Variants in MAPK8IP2 observed in about 807,000 individuals in gnomAD.
The protein encoded by MAPK8IP2 is C-Jun-amino-terminal kinase-interacting protein 2.
MAPK8IP2 carries 15 observed loss-of-function variants against 75.6 expected under a neutral mutation model. The observed-to-expected ratio is 0.20, with a 90% CI of 0.13 to 0.31. The LOEUF (loss-of-function observed/expected upper bound fraction) is 0.31, where lower values mean the gene tolerates loss of function less well. Among genes scored for constraint, MAPK8IP2 ranks in the 10% least tolerant of loss-of-function variants. The probability of loss-of-function intolerance (pLI) is 1.00; values close to 1 mark genes in which losing one functional copy is unlikely to be tolerated. For synonymous variants in MAPK8IP2, 632 were observed against 554.5 expected (o/e 1.14, Z -1.96); for missense variants, 1,089 against 1,211.2 (o/e 0.90, Z 1.50).
chr22:50,602,073 A>G (rs1430214212), intron 2 of MAPK8IP2, among the ~76,000 whole-genome samples, 179 bp downstream of exon 2: 1 of 152,064 alleles, frequency 6.6e-6, no homozygotes, highest in East Asian at 1.9e-4. Flanking sequence ...TCTTATTCCA[A>G]CACATTGCAG....
Position 50,604,668 on chromosome 22 carries a change from G to T in MAPK8IP2, c.1369G>T (p.Ala457Ser). The stretch of plus-strand genomic sequence containing the variant: ...GCTGTGGGCCGCGCCCGGCCGCGCC[G>T]CCCGCCCGGGACGAGCCTGCTCCGC... ...TPLWAAPGRA[A>S]RPGRACSAAC... Residue 457 changes from alanine to serine, a missense_variant, in exon 5 of 12, where the codon GCC becomes TCC. This residue lies in a region of MAPK8IP2 where 960 missense variants were observed against 1,009.6 expected (regional missense o/e 0.95). Coordinates refer to ENST00000329492, the MANE Select transcript of MAPK8IP2 (RefSeq NM_012324.6). 1 of 1,520,546 alleles carries T rather than the reference G, an allele frequency of 6.6e-7. No individual in the cohort carries two copies. The allele number at this position is 1,520,546 out of a possible 1,614,324, so 94.2% of individuals were successfully genotyped here. A position where few individuals can be genotyped will look rare whatever the true frequency, so the allele number is the denominator to read the frequency against.
intron 10 of MAPK8IP2, among the ~76,000 whole-genome samples, chr22:50,609,103 G>C (rs906416190): frequency 6.6e-6 from 1 of 152,158 alleles, no homozygotes; most frequent in Non-Finnish European, 1.5e-5. Context: ...CCCCGTCCCC[G>C]GTCCCTTGCC....
chr22:50,602,214 G>A (rs966991864), intron 2 of MAPK8IP2, among the ~76,000 whole-genome samples: 6 of 152,164 alleles, frequency 3.9e-5, no homozygotes, highest in African/African-American at 1.4e-4. Flanking sequence ...ATCCCTGGCA[G>A]CTGCCATCAC....
Position 50,600,814 on chromosome 22 carries a change from A to C in MAPK8IP2, c.-5A>C. 1 of 1,279,238 alleles carries C rather than the reference A, an allele frequency of 7.8e-7. No homozygotes were observed. The highest frequency in any genetic ancestry group is 1.0e-6 in the Non-Finnish European group (1 of 986,482). The allele number at this position is 1,279,238 out of a possible 1,614,324, so 79.2% of individuals were successfully genotyped here. On this transcript the variant is annotated 5_prime_UTR_variant, in exon 1 of 12. Coordinates refer to ENST00000329492, the MANE Select transcript of MAPK8IP2 (RefSeq NM_012324.6). ...CGCCGCAGTCGCGGGCCTCTCCCGG[A>C]GAAGATGGCGGATCGCGCGGAGATG...
At position 50,603,950 on chromosome 22, in the gene MAPK8IP2, A is replaced by T. The variant is rs2070988687; in HGVS notation, c.651A>T (p.Pro217=). The T allele has an allele frequency of 1.3e-6, 2 of 1,546,322 alleles. No individual in the cohort carries two copies. Among genetic ancestry groups the T allele is most frequent in the South Asian group, 2.4e-5 (2 of 84,558 alleles). The change falls in exon 5 of 12, where the codon CCA becomes CCT. Residue 217 remains proline (P), a synonymous_variant. Coordinates refer to ENST00000329492, the MANE Select transcript of MAPK8IP2 (RefSeq NM_012324.6). ...ACCGGCCTGCGGAACCCCCTGCGCC[A>T]GGGGGGACTTCGCCCTCCTCAGATC... ...EGNRPAEPPA[P]GGTSPSSDPG...
chr22:50,603,094 G>C (rs765273364), intron 2 of MAPK8IP2, 129 bp from the exon 3 acceptor site: 4 of 1,566,780 alleles, frequency 2.6e-6, no homozygotes, highest in Admixed American at 3.6e-5. Context: ...CCTGTAGACA[G>C]AGGGGCAGAG....
At chr22:50,605,995 G>T in intron 8 of MAPK8IP2, 61 bp downstream of exon 8, 1 of 1,313,620 alleles carries the variant, frequency 7.6e-7, no homozygotes, top group East Asian at 2.5e-5. Context: ...CACCAGCACT[G>T]CAGGCTGGCA....
intron 9 of MAPK8IP2, 66 bp downstream of exon 9, chr22:50,606,831 G>T (rs1378845211): frequency 9.4e-6 from 15 of 1,595,190 alleles, no homozygotes; most frequent in Non-Finnish European, 1.3e-5. Context: ...GTCCGACGGG[G>T]CCAGGCTGGC....
Position 50,600,848 on chromosome 22 carries a change from C to G in MAPK8IP2, c.30C>G (p.Leu10=). 7.6e-7 allele frequency: 1 copy of G among 1,310,930 alleles called. No individual in the cohort carries two copies. Among genetic ancestry groups the G allele is most frequent in the Non-Finnish European group, 1.0e-6 (1 of 1,004,258 alleles). The allele number at this position is 1,310,930 out of a possible 1,614,324, so 81.2% of individuals were successfully genotyped here. MADRAEMFS[L]STFHSLSPPG... is the part of the protein sequence containing the mutation. ...CGGATCGCGCGGAGATGTTTTCTCT[C>G]TCCACCTTCCACTCGCTGTCGCCGC... The change falls in exon 1 of 12, where the codon CTC becomes CTG. Residue 10 remains leucine, a synonymous_variant. Transcript: ENST00000329492.
chr22:50,604,739 G>A lies in MAPK8IP2; in HGVS notation c.1440G>A (p.Glu480=). 6.5e-7 allele frequency: 1 copy of A among 1,538,242 alleles called. No homozygotes were observed. The change falls in exon 5 of 12, where the codon GAG becomes GAA. Residue 480 remains glutamate, a synonymous_variant. Coordinates refer to ENST00000329492, the MANE Select transcript of MAPK8IP2 (RefSeq NM_012324.6). Reference sequence around the variant, plus strand: ...ACGAAGAGGACGACGAGGAAGAGGAGGATGCCGAGGACAGTGCGGGGTCCC... The same window carrying A: ...ACGAAGAGGACGACGAGGAAGAGGAAGATGCCGAGGACAGTGCGGGGTCCC... ...EEDEEDDEEE[E]DAEDSAGSPG...
chr22:50,607,056 C>G lies in MAPK8IP2; in HGVS notation c.2303+65C>G. On this transcript the variant is annotated intron_variant, in intron 10 of 11. Coordinates refer to ENST00000329492, the MANE Select transcript of MAPK8IP2 (RefSeq NM_012324.6). The surrounding 1 kb of genome is among the most constrained non-coding windows in gnomAD (Gnocchi z 5.6). ...ACAAACCCTGAGAGTCCAACCGCCC[C>G]CTGAGTCCCCACAGACCCTGAGGGC... 1.5e-6 allele frequency: 2 copies of G among 1,292,082 alleles called. No homozygotes were observed. The highest frequency in any genetic ancestry group is 2.3e-5 in the East Asian group (1 of 43,154). The allele number at this position is 1,292,082 out of a possible 1,614,324, so 80.0% of individuals were successfully genotyped here.
Position 50,607,707 on chromosome 22 carries a change from C to T in MAPK8IP2, c.2303+716C>T, listed in dbSNP as rs557284865. ...GATGGTTGTACTGCAGCCCACACAC[C>T]GAGAGGGGATGCGGGATCAATCACA... is the stretch of plus-strand genomic sequence containing the variant. On this transcript the variant is annotated intron_variant, in intron 10 of 11. Transcript: ENST00000329492. This position sits in a 1 kb window ranked among gnomAD's most constrained non-coding sequence, Gnocchi z 5.6. Among the ~76,000 whole-genome samples, 34 of 151,922 alleles carry T rather than the reference C, an allele frequency of 2.2e-4. No homozygotes were observed. Among genetic ancestry groups the T allele is most frequent in the Admixed American group, 1.8e-3 (27 of 15,266 alleles).
chr22:50,604,135 G>T lies in MAPK8IP2; in HGVS notation c.836G>T (p.Ser279Ile), dbSNP rs1328869589. 1 of 1,556,242 alleles carries T rather than the reference G, an allele frequency of 6.4e-7. No homozygotes were observed. The highest frequency in any genetic ancestry group is 8.6e-7 in the Non-Finnish European group (1 of 1,159,944). ...SSISETELEL[S>I]SDGGSSSSGR... ...ATCTCGGAGACGGAGCTGGAGCTGA[G>T]CAGCGATGGCGGAAGCAGCAGCAGC... is the stretch of plus-strand genomic sequence containing the variant. The change falls in exon 5 of 12, where the codon AGC (serine) becomes ATC (isoleucine). Residue 279 changes from serine to isoleucine, a missense_variant. This residue lies in a region of MAPK8IP2 where 960 missense variants were observed against 1,009.6 expected (regional missense o/e 0.95). Transcript: ENST00000329492.
At chr22:50,608,762 G>T (rs1045946488) in intron 10 of MAPK8IP2, among the ~76,000 whole-genome samples, 1 of 136,610 alleles carries the variant, frequency 7.3e-6, no homozygotes, top group Non-Finnish European at 1.6e-5. Flanking sequence ...TGGGGTCACC[G>T]GGACAGCGGA....
rs1475931322 is a variant in MAPK8IP2 at position 50,600,866 on chromosome 22, G to A, written c.48G>A (p.Leu16=). The change falls in exon 1 of 12, where the codon CTG becomes CTA. Residue 16 remains leucine (L), a synonymous_variant. Coordinates refer to ENST00000329492, the MANE Select transcript of MAPK8IP2 (RefSeq NM_012324.6). ...TTTCTCTCTCCACCTTCCACTCGCTGTCGCCGCCGGGCTGCAGGTACCCCC... is the reference window on the plus strand; with the variant it reads ...TTTCTCTCTCCACCTTCCACTCGCTATCGCCGCCGGGCTGCAGGTACCCCC... The part of the protein sequence containing the change: ...EMFSLSTFHS[L]SPPGCRPPQD... 7.7e-7 allele frequency: 1 copy of A among 1,292,008 alleles called. No homozygotes were observed. Among genetic ancestry groups the A allele is most frequent in the East Asian group, 5.5e-5 (1 of 18,056 alleles). The allele number at this position is 1,292,008 out of a possible 1,614,324, so 80.0% of individuals were successfully genotyped here.
Position 50,611,839 on chromosome 22 carries a change from C to T in MAPK8IP2, c.*1060C>T, listed in dbSNP as rs539352640. The T allele has an allele frequency of 1.1e-3, 162 of 152,268 alleles. 1 individual carries two copies. Among genetic ancestry groups the T allele is most frequent in the South Asian group, 2.1e-3 (10 of 4,820 alleles). 9.4% of individuals were successfully genotyped at this position (152,268 alleles called of 1,614,324 possible). On this transcript the variant is annotated 3_prime_UTR_variant, in exon 12 of 12. Coordinates refer to ENST00000329492, the MANE Select transcript of MAPK8IP2 (RefSeq NM_012324.6). This position sits in a 1 kb window ranked among gnomAD's most constrained non-coding sequence, Gnocchi z 5.5. ...CACGTGCACGGACTGGGGGCCAGCA[C>T]GGCTCAGGTCAGTGTGTAGTGGGGG...
Position 50,610,881 on chromosome 22 carries a change from G to A in MAPK8IP2, c.*102G>A. On this transcript the variant is annotated 3_prime_UTR_variant, in exon 12 of 12. Coordinates refer to ENST00000329492, the MANE Select transcript of MAPK8IP2 (RefSeq NM_012324.6). This position sits in a 1 kb window ranked among gnomAD's most constrained non-coding sequence, Gnocchi z 4.3. ...GCTTTGGCAAGGACTGGATTGGGGG[G>A]ACATGGGACCTTACGCTTGTGGGGG... 1 of 1,026,476 alleles carries A rather than the reference G, an allele frequency of 9.7e-7. No individual in the cohort carries two copies. 63.6% of individuals were successfully genotyped at this position (1,026,476 alleles called of 1,614,324 possible). A position where few individuals can be genotyped will look rare whatever the true frequency, so the allele number is the denominator to read the frequency against.
In MAPK8IP2 at chr22:50,613,358, C is replaced by T. The variant is rs2071180505; in HGVS notation, c.*2579C>T. On this transcript the variant is annotated 3_prime_UTR_variant, in exon 12 of 12. Transcript: ENST00000329492. ...TCTGTTTTATGTTTTTTCCCAGTCA[C>T]CTGAGCTGCAGGCCTTGGTCACCCC... 6.5e-6 allele frequency: 1 copy of T among 152,798 alleles called. No individual in the cohort carries two copies. Among genetic ancestry groups the T allele is most frequent in the Non-Finnish European group, 1.5e-5 (1 of 68,474 alleles). The allele number at this position is 152,798 out of a possible 1,614,324, so 9.5% of individuals were successfully genotyped here. A position where few individuals can be genotyped will look rare whatever the true frequency, so the allele number is the denominator to read the frequency against.
At chr22:50,601,564 GGGGCAGGGTTGGCTCCTCC>G in intron 1 of MAPK8IP2, 1 of 511,488 alleles carries the variant, frequency 2.0e-6, no homozygotes, top group South Asian at 2.4e-5. Context: ...GGGAGGGGTG[GGGGCAGGGTTGGCTCCTCC>G]GGGCAGGCCT....
Sources: allele counts gnomAD v4.1 joint callset (sites outside exome capture counted in the v4.1 genomes callset), GRCh38; gene constraint gnomAD v4.1.1; regional missense constraint gnomAD v4.1.1; non-coding constraint Gnocchi (gnomAD v3.1); transcripts MANE v1.5; gene names NCBI Gene and HGNC (gene_info 2026-07-23, HGNC 2026-07-21).